Variants in SH3BP5L observed in about 807,000 individuals in gnomAD.
SH3BP5L encodes SH3 domain-binding protein 5-like.
SH3BP5L carries 16 observed loss-of-function variants against 40.9 expected under a neutral mutation model. The ratio of observed to expected loss-of-function variants is 0.39; its 90% CI spans 0.27 to 0.59. The LOEUF (loss-of-function observed/expected upper bound fraction) is 0.59. SH3BP5L is among the 20% of genes least tolerant of loss of function. The probability of loss-of-function intolerance (pLI) is 0.53; values close to 1 mark genes in which losing one functional copy is unlikely to be tolerated. For missense variants in SH3BP5L, 471 were observed against 544.6 expected, an observed-to-expected ratio of 0.86 and a Z score of 1.35; for synonymous variants, 229 against 226.7, an observed-to-expected ratio of 1.01 and a Z score of -0.09.
At chr1:248,819,428 G>A (rs1664193760) in intron 2 of SH3BP5L, among the ~76,000 whole-genome samples, 3 of 151,098 alleles carry the variant, frequency 2.0e-5, no homozygotes, top group African/African-American at 4.9e-5. Flanking sequence ...GTGGGCAGGC[G>A]CAGTGGCTCA....
Position 248,811,996 on chromosome 1 carries a change from A to T in SH3BP5L, c.1086T>A (p.Ser362Arg), listed in dbSNP as rs780597391. Residue 362 changes from serine (S) to arginine (R), a missense_variant, in exon 7 of 7, where the codon AGT becomes AGA. Ser to Arg is a moderately radical substitution (Grantham distance 110). Coordinates refer to ENST00000366472, the MANE Select transcript of SH3BP5L (RefSeq NM_030645.3). Reference protein sequence around the residue: ...EHLRGLSDHVSLDGQELGTRS... With the variant: ...EHLRGLSDHVRLDGQELGTRS... ...GCGTTCCCAGCTCTTGGCCGTCCAG[A>T]CTGACGTGGTCCGAGAGGCCTCGCA... is the stretch of plus-strand genomic sequence containing the variant. 27 of 1,607,800 alleles carry T rather than the reference A, an allele frequency of 1.7e-5. No homozygotes were observed. The highest frequency in any genetic ancestry group is 2.3e-5 in the Non-Finnish European group (27 of 1,178,014).
Position 248,812,126 on chromosome 1 carries a change from C to T in SH3BP5L, c.956G>A (p.Gly319Asp), listed in dbSNP as rs757453124. 1 of 1,608,026 alleles carries T rather than the reference C, an allele frequency of 6.2e-7. No homozygotes were observed. Among genetic ancestry groups the T allele is most frequent in the Non-Finnish European group, 8.5e-7 (1 of 1,177,154 alleles). ...EGAEGAGLEE[G>D]SSLGPGPAPD... is the part of the protein sequence containing the mutation. Reference sequence around the variant, plus strand: ...GGCGGGGCCGGGCCCCAGGCTGCTGCCCTCCTCCAGCCCCGCACCCTCGGC... The same window carrying T: ...GGCGGGGCCGGGCCCCAGGCTGCTGTCCTCCTCCAGCCCCGCACCCTCGGC... Residue 319 changes from glycine (G) to aspartate (D), a missense_variant, in exon 7 of 7, where the codon GGC (glycine) becomes GAC (aspartate). By Grantham distance (94) the Gly-to-Asp change is moderately conservative (BLOSUM62 -1). This residue lies in a region of SH3BP5L where 196 missense variants were observed against 174.6 expected (regional missense o/e 1.12). Coordinates refer to ENST00000366472, the MANE Select transcript of SH3BP5L (RefSeq NM_030645.3). The surrounding 1 kb of genome is among the most constrained non-coding windows in gnomAD (Gnocchi z 6.1).
intron 2 of SH3BP5L, among the ~76,000 whole-genome samples, chr1:248,818,066 G>A (rs1172966763): frequency 6.6e-6 from 1 of 151,852 alleles, no homozygotes; most frequent in Non-Finnish European, 1.5e-5. Context: ...GTGGAGGCTG[G>A]GACAGGCATG....
chr1:248,817,121 C>G (rs1054754307), intron 2 of SH3BP5L: 2 of 1,367,600 alleles, frequency 1.5e-6, no homozygotes, highest in Non-Finnish European at 9.9e-7. Flanking sequence ...GTAGTAAAAC[C>G]CCAGTTTCAA....
intron 4 of SH3BP5L, chr1:248,814,907 T>A: frequency 2.1e-6 from 1 of 482,904 alleles, no homozygotes; most frequent in Non-Finnish European, 3.9e-6. Flanking sequence ...ACACAAACCA[T>A]TTTAGTGTAA....
At chr1:248,820,676 T>G (rs946209347) in intron 2 of SH3BP5L, 3 of 152,216 alleles carry the variant, frequency 2.0e-5, no homozygotes, top group African/African-American at 7.2e-5. Flanking sequence ...AAGAAAGAAG[T>G]GCTGTAATCT....
chr1:248,822,275 G>C (rs1329292448), intron 2 of SH3BP5L, among the ~76,000 whole-genome samples: 1 of 152,180 alleles, frequency 6.6e-6, no homozygotes, highest in East Asian at 1.9e-4. Context: ...GAAAGCCCAA[G>C]CACAGAAGGG....
intron 4 of SH3BP5L, chr1:248,815,926 G>C (rs1199773252): frequency 6.5e-6 from 1 of 153,372 alleles, no homozygotes; most frequent in Non-Finnish European, 1.5e-5. Flanking sequence ...CCTCCTCTCG[G>C]GAACAAACTC....
intron 2 of SH3BP5L, among the ~76,000 whole-genome samples, chr1:248,818,302 C>T (rs531378607): frequency 6.6e-6 from 1 of 151,944 alleles, no homozygotes; most frequent in Non-Finnish European, 1.5e-5. Context: ...AAGCCCAGAT[C>T]GTGCCACTGC....
At chr1:248,816,430 G>A in intron 4 of SH3BP5L, 104 bp downstream of exon 4, 1 of 1,482,796 alleles carries the variant, frequency 6.7e-7, no homozygotes, top group East Asian at 2.3e-5. Flanking sequence ...CCAGGGCTCT[G>A]CCCTCAGGGT....
chr1:248,820,672 G>T (rs1210885867), intron 2 of SH3BP5L: 1 of 152,352 alleles, frequency 6.6e-6, no homozygotes, highest in South Asian at 2.1e-4. Context: ...AGTAAAGAAA[G>T]AAGTGCTGTA....
At chr1:248,823,110 G>A (rs1443975701) in intron 2 of SH3BP5L, among the ~76,000 whole-genome samples, 11 of 152,170 alleles carry the variant, frequency 7.2e-5, no homozygotes. Flanking sequence ...AAATACATAG[G>A]AGTAGTAGAG....
chr1:248,817,775 C>T (rs898602536), intron 2 of SH3BP5L, among the ~76,000 whole-genome samples: 1 of 152,062 alleles, frequency 6.6e-6, no homozygotes, highest in Non-Finnish European at 1.5e-5. Context: ...ATCACTTGAA[C>T]CTGGGAGGCA....
rs757873416 is a variant in SH3BP5L, at chr1:248,821,454, C to T, written c.183+3299G>A. Among the ~76,000 whole-genome samples, 3 of 152,154 alleles carry T rather than the reference C, an allele frequency of 2.0e-5. No homozygotes were observed. Among genetic ancestry groups the T allele is most frequent in the Non-Finnish European group, 2.9e-5 (2 of 68,040 alleles). On this transcript the variant is annotated intron_variant, in intron 2 of 6. Transcript: ENST00000366472. This position sits in a 1 kb window ranked among gnomAD's most constrained non-coding sequence, Gnocchi z 4.6. ...CCACCTAGTGCAGACCATCAAAAGA[C>T]TCAAACTAATGGTAACTGGGGCCAG...
At position 248,814,709 on chromosome 1, in the gene SH3BP5L, A is replaced by G. The variant is rs763466608; in HGVS notation, c.376-99T>C. 14 of 1,223,334 alleles carry G rather than the reference A, an allele frequency of 1.1e-5. No individual in the cohort carries two copies. The Admixed American group carries it at 1.6e-4, about 14-fold the overall frequency. 75.8% of individuals were successfully genotyped at this position (1,223,334 alleles called of 1,614,324 possible). A position where few individuals can be genotyped will look rare whatever the true frequency, so the allele number is the denominator to read the frequency against. On this transcript the variant is annotated intron_variant, in intron 4 of 6. Coordinates refer to ENST00000366472, the MANE Select transcript of SH3BP5L (RefSeq NM_030645.3). Reference sequence around the variant, plus strand: ...GAGGATAAGAGAAGGAGGAAGGCCTACTAGCAATGTCGGCTTCATTTCCCA... The same window carrying G: ...GAGGATAAGAGAAGGAGGAAGGCCTGCTAGCAATGTCGGCTTCATTTCCCA...
chr1:248,813,256 C>A, intron 5 of SH3BP5L, 94 bp from the exon 6 acceptor site: 1 of 1,339,302 alleles, frequency 7.5e-7, no homozygotes, highest in Non-Finnish European at 9.8e-7. Context: ...CTGGGGGGAA[C>A]CCAAACAGGA....
Position 248,811,660 on chromosome 1 carries a change from C to A in SH3BP5L, c.*240G>T, listed in dbSNP as rs1407997257. 7 of 499,634 alleles carry A rather than the reference C, an allele frequency of 1.4e-5. No homozygotes were observed. The highest frequency in any genetic ancestry group is 2.0e-5 in the African/African-American group (1 of 50,114). The allele number at this position is 499,634 out of a possible 1,614,324, so 31.0% of individuals were successfully genotyped here. On this transcript the variant is annotated 3_prime_UTR_variant, in exon 7 of 7. Coordinates refer to ENST00000366472, the MANE Select transcript of SH3BP5L (RefSeq NM_030645.3). ...AGCTGGCAGGCAGAGGCAGACAGAG[C>A]GCCGAGGGCGAGCCTTCTGAATGGG...
rs1207484110 is a variant in SH3BP5L, at chr1:248,812,048, A to G, written c.1034T>C (p.Leu345Pro). 1 of 1,612,728 alleles carries G rather than the reference A, an allele frequency of 6.2e-7. No homozygotes were observed. Among genetic ancestry groups the G allele is most frequent in the African/African-American group, 1.3e-5 (1 of 74,862 alleles). The change falls in exon 7 of 7, where the codon CTG (leucine) becomes CCG (proline). Residue 345 changes from leucine (L) to proline (P), a missense_variant. Leu to Pro is a moderately conservative substitution (Grantham distance 98). This residue lies in a region of SH3BP5L where 196 missense variants were observed against 174.6 expected (regional missense o/e 1.12). Coordinates refer to ENST00000366472, the MANE Select transcript of SH3BP5L (RefSeq NM_030645.3). The surrounding 1 kb of genome is among the most constrained non-coding windows in gnomAD (Gnocchi z 6.1). ...GTGCTCCACGGAGTCGCACTTCTGC[A>G]GGTCTGAAGCCACCGTGCGCAGGCT... ...LLSLRTVASDLQKCDSVEHLR... is the reference protein window; with the variant it reads ...LLSLRTVASDPQKCDSVEHLR...
intron 2 of SH3BP5L, among the ~76,000 whole-genome samples, chr1:248,818,445 A>T (rs1027679192): frequency 4.6e-5 from 7 of 152,202 alleles, no homozygotes; most frequent in Admixed American, 2.6e-4. Context: ...CAGGACACAG[A>T]ATCACAGGGG....
Sources: allele counts gnomAD v4.1 joint callset (sites outside exome capture counted in the v4.1 genomes callset), GRCh38; gene constraint gnomAD v4.1.1; regional missense constraint gnomAD v4.1.1; non-coding constraint Gnocchi (gnomAD v3.1); transcripts MANE v1.5; gene names NCBI Gene and HGNC (gene_info 2026-07-23, HGNC 2026-07-21).